The following THTPA variants were observed in gnomAD, a reference collection of about 807,000 sequenced individuals.
The protein encoded by THTPA is thiamine triphosphatase.
A neutral mutation model predicts 16.5 loss-of-function variants in THTPA; 16 were observed. The ratio of observed to expected loss-of-function variants is 0.97; its 90% confidence interval spans 0.66 to 1.47. The LOEUF is 1.47. THTPA is among the 40% of genes most tolerant of loss of function. The pLI, the probability that THTPA is intolerant of heterozygous loss-of-function variation, is 0.00. For missense variants in THTPA, 281 were observed against 280.9 expected, an observed-to-expected ratio of 1.00 and a Z score of 0.00; for synonymous variants, 110 against 115.5, an observed-to-expected ratio of 0.95 and a Z score of 0.30.
the THTPA span, chr14:23,528,521 C>T: frequency 2.3e-6 from 2 of 860,918 alleles, no homozygotes; most frequent in Non-Finnish European, 2.8e-6. Context: ...CCTGTCGTGT[C>T]TTCTCTGTGA....
At chr14:23,526,301 G>A in the THTPA span, 1 of 1,536,314 alleles carries the variant, frequency 6.5e-7, no homozygotes, top group South Asian at 1.2e-5. Context: ...GTGAAGGTGG[G>A]AGACAGAATT....
the THTPA span, among the ~76,000 whole-genome samples, chr14:23,519,790 C>T: frequency 1.3e-5 from 2 of 152,150 alleles, no homozygotes; most frequent in East Asian, 3.8e-4. Context: ...TTAACATGTT[C>T]ACAGAGTGAT....
chr14:23,512,452 C>T, the THTPA span, among the ~76,000 whole-genome samples: 1 of 151,880 alleles, frequency 6.6e-6, no homozygotes, highest in Non-Finnish European at 1.5e-5. Flanking sequence ...TGAATCTGCT[C>T]CGGAAGTAGA....
chr14:23,555,528 C>T (rs1350274108), upstream of THTPA, among the ~76,000 whole-genome samples: 1 of 152,172 alleles, frequency 6.6e-6, no homozygotes, highest in Non-Finnish European at 1.5e-5. Context: ...ACCATCATAT[C>T]TTTAGTTCCT....
In THTPA at chr14:23,559,436, AG is replaced by A; in HGVS notation, c.*597del. 1 of 363,040 alleles carries A rather than the reference AG, an allele frequency of 2.8e-6. No individual in the cohort carries two copies. The highest frequency in any genetic ancestry group is 6.6e-5 in the East Asian group (1 of 15,142). 22.5% of individuals were successfully genotyped at this position (363,040 alleles called of 1,614,324 possible). A position where few individuals can be genotyped will look rare whatever the true frequency, so the allele number is the denominator to read the frequency against. ...CTGGAGAGGGTTAGAAAGAACCAAC[AG>A]CTGCCCCCTCCCCGCCCCCGTGTTG... On this transcript the variant is annotated 3_prime_UTR_variant, in exon 2 of 2. Transcript: ENST00000288014.
the THTPA span, chr14:23,527,901 C>A: frequency 1.3e-5 from 6 of 448,956 alleles, no homozygotes; most frequent in African/African-American, 2.8e-5. Context: ...GCCCCCACTC[C>A]TTTTTTTTTT....
At chr14:23,519,512 G>C in the THTPA span, among the ~76,000 whole-genome samples, 3 of 152,098 alleles carry the variant, frequency 2.0e-5, no homozygotes, top group Non-Finnish European at 2.9e-5. Context: ...GTGAGCACAA[G>C]ACCCGGTGGC....
chr14:23,516,441 C>T, the THTPA span, among the ~76,000 whole-genome samples: 2 of 152,064 alleles, frequency 1.3e-5, no homozygotes, highest in African/African-American at 2.4e-5. Context: ...TTGAATCCAG[C>T]GAATGTAACT....
the THTPA span, chr14:23,527,868 T>G: frequency 7.3e-7 from 1 of 1,372,890 alleles, no homozygotes. Context: ...CATCACATAG[T>G]CCTTTGGATG....
chr14:23,552,550 C>G (rs1420588428), upstream of THTPA, among the ~76,000 whole-genome samples: 1 of 152,066 alleles, frequency 6.6e-6, no homozygotes, highest in Non-Finnish European at 1.5e-5. Context: ...CTCGGCCTCC[C>G]AAAGTGCTGG....
At chr14:23,544,616 G>C in the THTPA span, among the ~76,000 whole-genome samples, 1 of 152,198 alleles carries the variant, frequency 6.6e-6, no homozygotes, top group Non-Finnish European at 1.5e-5. Context: ...GTGTGTTGCT[G>C]TGAGCCCGTA....
chr14:23,537,087 CCGGGACTGCACCAT>C, the THTPA span, among the ~76,000 whole-genome samples: 1,393 of 152,176 alleles, frequency 9.2e-3, 8 homozygotes, highest in Non-Finnish European at 0.013. Flanking sequence ...TTGCAGTGAG[CCGGGACTGCACCAT>C]CGGGACTGCA....
upstream of THTPA, among the ~76,000 whole-genome samples, chr14:23,551,991 C>T (rs941663338): frequency 2.6e-5 from 4 of 152,210 alleles, no homozygotes; most frequent in African/African-American, 9.6e-5. The surrounding 1 kb of genome is among the most constrained non-coding windows in gnomAD (Gnocchi z 5.3). Flanking sequence ...TCCTCTTCAT[C>T]CTGTGGCCTG....
chr14:23,559,632 T>C lies in THTPA; in HGVS notation c.*792T>C. On this transcript the variant is annotated 3_prime_UTR_variant, in exon 2 of 2. Coordinates refer to ENST00000288014, the MANE Select transcript of THTPA (RefSeq NM_024328.6). ...TGGGAGAAGGGGGCTGGTCCCCAGT[T>C]TTTGCAGTGCAAAGCCAGAGCGCCA... is the stretch of plus-strand genomic sequence containing the variant. 1.2e-6 allele frequency: 1 copy of C among 858,370 alleles called. No individual in the cohort carries two copies. Among genetic ancestry groups the C allele is most frequent in the Non-Finnish European group, 1.9e-6 (1 of 529,616 alleles). 53.2% of individuals were successfully genotyped at this position (858,370 alleles called of 1,614,324 possible).
chr14:23,558,941 C>T lies in THTPA; in HGVS notation c.*101C>T. ...CTCAGTGTCCCTTCTGACAGTGACT[C>T]CTCTCTCTCCAGCGCTGCCTGTTTC... On this transcript the variant is annotated 3_prime_UTR_variant, in exon 2 of 2. Transcript: ENST00000288014. 7.1e-7 allele frequency: 1 copy of T among 1,405,246 alleles called. No homozygotes were observed. The highest frequency in any genetic ancestry group is 9.7e-7 in the Non-Finnish European group (1 of 1,025,884). The allele number at this position is 1,405,246 out of a possible 1,614,324, so 87.0% of individuals were successfully genotyped here. A position where few individuals can be genotyped will look rare whatever the true frequency, so the allele number is the denominator to read the frequency against.
At chr14:23,514,804 G>A in the THTPA span, among the ~76,000 whole-genome samples, 1 of 152,144 alleles carries the variant, frequency 6.6e-6, no homozygotes, top group Non-Finnish European at 1.5e-5. Context: ...CAGGCATTGG[G>A]TGGAGCTCTG....
At chr14:23,532,769 T>A in the THTPA span, 1 of 1,536,278 alleles carries the variant, frequency 6.5e-7, no homozygotes, top group Non-Finnish European at 8.7e-7. Flanking sequence ...TGCCAGCTGG[T>A]ACTTCTGAGC....
At chr14:23,540,370 T>C in the THTPA span, among the ~76,000 whole-genome samples, 5 of 152,196 alleles carry the variant, frequency 3.3e-5, no homozygotes, top group African/African-American at 1.2e-4. Context: ...GGACCTTTTT[T>C]TAAAAATTCC....
At chr14:23,518,223 T>A in the THTPA span, among the ~76,000 whole-genome samples, 5 of 152,210 alleles carry the variant, frequency 3.3e-5, no homozygotes, top group African/African-American at 9.6e-5. This position sits in a 1 kb window ranked among gnomAD's most constrained non-coding sequence, Gnocchi z 4.5. Flanking sequence ...GATTTACATA[T>A]CTTTCCAGGG....
Sources: allele counts gnomAD v4.1 joint callset (sites outside exome capture counted in the v4.1 genomes callset), GRCh38; gene constraint gnomAD v4.1.1; non-coding constraint Gnocchi (gnomAD v3.1); transcripts MANE v1.5; gene names NCBI Gene and HGNC (gene_info 2026-07-23, HGNC 2026-07-21).